CPXM2: variants seen among roughly 807,000 people sequenced by gnomAD.
CPXM2 encodes carboxypeptidase X, M14 family member 2, also known as inactive carboxypeptidase-like protein X2.
CPXM2 carries 66 observed loss-of-function variants against 86.1 expected under a neutral mutation model. The ratio of observed to expected loss-of-function variants is 0.77; its 90% CI spans 0.63 to 0.94. The LOEUF (loss-of-function observed/expected upper bound fraction) is 0.94, where lower values mean the gene tolerates loss of function less well. Among genes scored for constraint, CPXM2 ranks in the 40% least tolerant of loss-of-function variants. The pLI is 0.00. For synonymous variants in CPXM2, 388 were observed against 400.2 expected, an observed-to-expected ratio of 0.97 and a Z score of 0.36; for missense variants, 948 against 1,026.3, an observed-to-expected ratio of 0.92 and a Z score of 1.04.
chr10:123,780,335 T>G, intron 6 of CPXM2, 80 bp from the exon 7 acceptor site: 1 of 954,874 alleles, frequency 1.0e-6, no homozygotes. Context: ...ACATGGGGAC[T>G]GCACGGACAG....
intron 3 of CPXM2, among the ~76,000 whole-genome samples, chr10:123,856,843 C>T (rs753963015): frequency 1.3e-5 from 2 of 152,178 alleles, no homozygotes; most frequent in Non-Finnish European, 2.9e-5. Flanking sequence ...CCACCCGCCT[C>T]GGCCTCCCAA....
intron 2 of CPXM2, among the ~76,000 whole-genome samples, chr10:123,869,271 G>C (rs573942427): frequency 4.1e-4 from 63 of 152,260 alleles, no homozygotes; most frequent in South Asian, 1.7e-3. Context: ...CAGGAAAGCG[G>C]GCTCCGACAA....
chr10:123,802,120 C>T (rs1847471877), intron 4 of CPXM2, among the ~76,000 whole-genome samples: 1 of 152,162 alleles, frequency 6.6e-6, no homozygotes, highest in Non-Finnish European at 1.5e-5. Flanking sequence ...GACAGGGGAG[C>T]AGAGGCCAGG....
chr10:123,798,552 T>C (rs937317397), intron 5 of CPXM2, among the ~76,000 whole-genome samples: 13 of 152,166 alleles, frequency 8.5e-5, no homozygotes, highest in African/African-American at 2.4e-4. Flanking sequence ...ATTGGATTCA[T>C]AGGCAGAAGA....
intron 2 of CPXM2, among the ~76,000 whole-genome samples, chr10:123,869,922 A>G (rs1367271881): frequency 1.3e-5 from 2 of 152,212 alleles, no homozygotes; most frequent in East Asian, 3.8e-4. Flanking sequence ...CAGCATATAA[A>G]TAAGAATTCT....
rs559749001 is a variant in CPXM2 at position 123,824,194 on chromosome 10, G to A, written c.653+18155C>T. ...GTGGAAGTTTATGTGAATAAAATTGGAAAGCATTTTGCTTTTTACTTTCCA... is the reference window on the plus strand; with the variant it reads ...GTGGAAGTTTATGTGAATAAAATTGAAAAGCATTTTGCTTTTTACTTTCCA... On this transcript the variant is annotated intron_variant, in intron 4 of 13. Transcript: ENST00000241305. Among the ~76,000 whole-genome samples the A allele has an allele frequency of 2.2e-4, 33 of 152,286 alleles. No individual in the cohort carries two copies. In the South Asian group the frequency reaches 6.6e-3, roughly 31 times the overall value.
chr10:123,882,789 C>A (rs1405768013), intron 1 of CPXM2, among the ~76,000 whole-genome samples: 1 of 149,844 alleles, frequency 6.7e-6, no homozygotes, highest in Admixed American at 6.6e-5. Flanking sequence ...CAACCCCCCC[C>A]CACCATAACA....
intron 2 of CPXM2, among the ~76,000 whole-genome samples, chr10:123,871,435 G>C (rs1944894546): frequency 6.6e-6 from 1 of 151,912 alleles, no homozygotes; most frequent in African/African-American, 2.4e-5. Context: ...TTGCTTATAA[G>C]GCTCAAAAAA....
Position 123,799,199 on chromosome 10 carries a change from C to T in CPXM2, c.654G>A (p.Leu218=), listed in dbSNP as rs903613651. The T allele has an allele frequency of 6.2e-7, 1 of 1,613,964 alleles. No individual in the cohort carries two copies. The highest frequency in any genetic ancestry group is 2.2e-5 in the East Asian group (1 of 44,882). The change falls in exon 5 of 14, where the codon CTG becomes CTA. Residue 218 remains leucine, a splice_region_variant and synonymous_variant. Coordinates refer to ENST00000241305, the MANE Select transcript of CPXM2 (RefSeq NM_198148.3). The part of the protein sequence containing the change: ...VITQGRNSLW[L]SDWVTSYKVM... ...CCTTATAGGATGTCACCCAGTCACT[C>T]CTATGAGAAAATAAAACATCATTAG...
At chr10:123,827,267 T>C (rs150082942) in intron 4 of CPXM2, among the ~76,000 whole-genome samples, 9 of 152,204 alleles carry the variant, frequency 5.9e-5, no homozygotes, top group East Asian at 1.9e-4. Context: ...TTGGACTAAA[T>C]AGAAAAATCA....
chr10:123,813,520 C>T (rs1847740623), intron 4 of CPXM2, among the ~76,000 whole-genome samples: 1 of 152,334 alleles, frequency 6.6e-6, no homozygotes, highest in Admixed American at 6.5e-5. Flanking sequence ...TGGAGCTGCA[C>T]ATGATGCGTA....
chr10:123,764,802 T>G (rs561000687), intron 10 of CPXM2, among the ~76,000 whole-genome samples: 1 of 152,086 alleles, frequency 6.6e-6, no homozygotes, highest in Non-Finnish European at 1.5e-5. Flanking sequence ...TGTTATTAAT[T>G]AATTAATTTA....
chr10:123,910,450 G>C (rs775809329), intron 2 of CPXM2, among the ~76,000 whole-genome samples: 1 of 152,086 alleles, frequency 6.6e-6, no homozygotes, highest in Non-Finnish European at 1.5e-5. Context: ...TCTCGGAACT[G>C]CACCCCCGGC....
At chr10:123,888,003 G>A (rs1945207183) in intron 1 of CPXM2, among the ~76,000 whole-genome samples, 1 of 152,184 alleles carries the variant, frequency 6.6e-6, no homozygotes, top group South Asian at 2.1e-4. Flanking sequence ...GTTAGCCAAA[G>A]GGTTCAGTTC....
rs565001360 is a variant in CPXM2 at position 123,764,807 on chromosome 10, AATTT to A, written c.1479+2162_1479+2165del. Among the ~76,000 whole-genome samples the A allele has an allele frequency of 6.3e-3, 959 of 151,994 alleles. 12 individuals are homozygous for A. Among genetic ancestry groups the A allele is most frequent in the Non-Finnish European group, 6.2e-3 (423 of 67,976 alleles). On this transcript the variant is annotated intron_variant, in intron 10 of 13. Transcript: ENST00000241305. Reference sequence around the variant, plus strand: ...GGGTTTCTTCTGTTATTAATTAATTAATTTATTTATTTATTTGCTAACTTCTTAA... The same window carrying A: ...GGGTTTCTTCTGTTATTAATTAATTAATTTATTTATTTGCTAACTTCTTAA...
At chr10:123,800,255 T>A (rs1451014235) in intron 4 of CPXM2, among the ~76,000 whole-genome samples, 1 of 152,084 alleles carries the variant, frequency 6.6e-6, no homozygotes, top group Non-Finnish European at 1.5e-5. Context: ...GGTGATTTTA[T>A]ACATGCTTGG....
chr10:123,819,637 TA>T (rs747579187), intron 4 of CPXM2, among the ~76,000 whole-genome samples: 2 of 152,228 alleles, frequency 1.3e-5, no homozygotes, highest in Non-Finnish European at 2.9e-5. Flanking sequence ...TTGTTAACTT[TA>T]TGTAATAGTA....
intron 2 of CPXM2, among the ~76,000 whole-genome samples, chr10:123,878,506 C>CGTGTGT (rs200009107): frequency 0.03 from 4,063 of 134,782 alleles, 159 homozygotes; most frequent in African/African-American, 0.089. Flanking sequence ...CAAATTCAGA[C>CGTGTGT]GTGTGTGTGT....
upstream of CPXM2, among the ~76,000 whole-genome samples, chr10:123,896,720 C>T (rs1252476604): frequency 6.6e-6 from 1 of 152,218 alleles, no homozygotes; most frequent in East Asian, 1.9e-4. Context: ...TGCAAAAGCT[C>T]CTAAGAAACC....
Sources: gnomAD v4.1 joint callset for allele counts (sites outside exome capture counted in the v4.1 genomes callset) on GRCh38, gnomAD v4.1.1 for gene constraint, MANE v1.5 for transcripts, NCBI Gene and HGNC (gene_info 2026-07-23, HGNC 2026-07-21) for gene names.